HMGA2: variants seen among roughly 807,000 people sequenced by gnomAD.
The protein encoded by HMGA2 is high mobility group AT-hook 2, also known as high mobility group protein HMGI-C.
A neutral mutation model predicts 19.1 loss-of-function variants in HMGA2; 8 were observed. The observed-to-expected ratio is 0.42, with a 90% CI of 0.25 to 0.76. The LOEUF is 0.76. Among genes scored for constraint, HMGA2 ranks in the 30% least tolerant of loss-of-function variants. The pLI, the probability that HMGA2 is intolerant of heterozygous loss-of-function variation, is 0.28. For synonymous variants in HMGA2, 60 were observed against 48.8 expected (o/e 1.23, Z -0.96); for missense variants, 109 against 136.3 (o/e 0.80, Z 1.00).
chr12:65,861,749 T>A (rs1359059242), intron 3 of HMGA2, among the ~76,000 whole-genome samples: 2 of 151,826 alleles, frequency 1.3e-5, no homozygotes, highest in African/African-American at 4.8e-5. Flanking sequence ...ATACTTAAAT[T>A]TTTTTTCTCT....
chr12:65,847,548 C>G (rs1316273096), intron 3 of HMGA2, among the ~76,000 whole-genome samples: 7 of 152,108 alleles, frequency 4.6e-5, no homozygotes, highest in Non-Finnish European at 7.3e-5. Context: ...ACCTCAGCAC[C>G]TAGGACATAG....
intron 3 of HMGA2, among the ~76,000 whole-genome samples, chr12:65,876,139 C>A (rs943991229): frequency 6.6e-6 from 1 of 151,802 alleles, no homozygotes; most frequent in Non-Finnish European, 1.5e-5. Context: ...AGGTACAGGT[C>A]ATTCCATTAT....
chr12:65,842,755 C>G lies in HMGA2; in HGVS notation c.249+4186C>G, dbSNP rs547793618. The G allele has an allele frequency of 8.0e-6, 11 of 1,380,034 alleles. No individual in the cohort carries two copies. In the South Asian group the frequency reaches 1.3e-4, roughly 17 times the overall value. 85.5% of individuals were successfully genotyped at this position (1,380,034 alleles called of 1,614,324 possible). A position where few individuals can be genotyped will look rare whatever the true frequency, so the allele number is the denominator to read the frequency against. ...CTTCTATAGAATTCCATTAGCCAGT[C>G]CTGCCAATTGAAATTTGGCATTTAA... On this transcript the variant is annotated intron_variant, in intron 3 of 4. Transcript: ENST00000403681.
chr12:65,945,690 T>G (rs1565739783), intron 3 of HMGA2, among the ~76,000 whole-genome samples: 1 of 152,278 alleles, frequency 6.6e-6, no homozygotes, highest in East Asian at 1.9e-4. Flanking sequence ...TCATGGCCAT[T>G]TGGAGTGTTT....
At chr12:65,900,851 G>A (rs1392160181) in intron 3 of HMGA2, among the ~76,000 whole-genome samples, 1 of 152,162 alleles carries the variant, frequency 6.6e-6, no homozygotes, top group Non-Finnish European at 1.5e-5. Context: ...AAGTTTGAGA[G>A]CTGGTTGTTA....
At chr12:65,865,018 C>G (rs931369494) in intron 3 of HMGA2, among the ~76,000 whole-genome samples, 1 of 152,154 alleles carries the variant, frequency 6.6e-6, no homozygotes, top group African/African-American at 2.4e-5. Context: ...AAGACCAACC[C>G]CTCCTCATCC....
intron 3 of HMGA2, chr12:65,874,266 G>A (rs1872858818): frequency 6.6e-6 from 1 of 150,472 alleles, no homozygotes; most frequent in Non-Finnish European, 1.5e-5. Flanking sequence ...AAATAATAAA[G>A]CTATATAAAT....
chr12:65,869,623 C>T (rs1872606920), intron 3 of HMGA2, among the ~76,000 whole-genome samples: 1 of 152,146 alleles, frequency 6.6e-6, no homozygotes, highest in South Asian at 2.1e-4. Context: ...ACATTTTATT[C>T]TGGTATATAC....
intron 3 of HMGA2, among the ~76,000 whole-genome samples, chr12:65,924,708 G>A (rs1291197420): frequency 6.6e-6 from 1 of 152,142 alleles, no homozygotes; most frequent in Non-Finnish European, 1.5e-5. Context: ...TGAGACAGGA[G>A]AATCACTTGA....
chr12:65,846,643 T>C (rs1258650082), intron 3 of HMGA2, among the ~76,000 whole-genome samples: 1 of 152,234 alleles, frequency 6.6e-6, no homozygotes, highest in Non-Finnish European at 1.5e-5. Flanking sequence ...GTTGTTGTTG[T>C]TCACCTATTT....
intron 3 of HMGA2, among the ~76,000 whole-genome samples, chr12:65,922,311 G>A (rs144758886): frequency 6.6e-5 from 10 of 152,296 alleles, no homozygotes; most frequent in Non-Finnish European, 8.8e-5. Flanking sequence ...CCACAGGGGC[G>A]GAGCTGCCTA....
At chr12:65,839,230 C>T (rs1230049647) in intron 3 of HMGA2, among the ~76,000 whole-genome samples, 4 of 152,008 alleles carry the variant, frequency 2.6e-5, no homozygotes, top group African/African-American at 7.3e-5. Context: ...GCCAGAAATT[C>T]AGTGGTCACT....
At chr12:65,849,902 A>G (rs1003980182) in intron 3 of HMGA2, among the ~76,000 whole-genome samples, 2 of 152,064 alleles carry the variant, frequency 1.3e-5, no homozygotes, top group Non-Finnish European at 2.9e-5. Context: ...TATTTTTAGT[A>G]GAGACAGGGT....
At chr12:65,958,836 A>G (rs1320712174) in intron 4 of HMGA2, 1 of 152,150 alleles carries the variant, frequency 6.6e-6, no homozygotes, top group African/African-American at 2.4e-5. Context: ...GAAGAGTTGC[A>G]GAATTCTTTG....
At chr12:65,882,087 T>C (rs1873438950) in intron 3 of HMGA2, 3 of 543,212 alleles carry the variant, frequency 5.5e-6, no homozygotes, top group East Asian at 3.4e-5. Context: ...GGAATGAGCG[T>C]GGAAACCCCT....
chr12:65,843,202 C>T lies in HMGA2; in HGVS notation c.249+4633C>T, dbSNP rs1353491418. ...ATGCTTAAAGTTCACTTCAATTGGT[C>T]ACTAGAAAGATCCCAGCAATCCCCA... is the stretch of plus-strand genomic sequence containing the variant. On this transcript the variant is annotated intron_variant, in intron 3 of 4. Coordinates refer to ENST00000403681, the MANE Select transcript of HMGA2 (RefSeq NM_003483.6). The T allele has an allele frequency of 1.3e-5, 3 of 225,750 alleles. No homozygotes were observed. The East Asian group carries it at 1.9e-4, about 15-fold the overall frequency. 14.0% of individuals were successfully genotyped at this position (225,750 alleles called of 1,614,324 possible).
chr12:65,845,502 C>A (rs1345648390), intron 3 of HMGA2, among the ~76,000 whole-genome samples: 1 of 152,186 alleles, frequency 6.6e-6, no homozygotes, highest in African/African-American at 2.4e-5. Context: ...CTCCTGACTT[C>A]AGGTGATCCT....
At chr12:65,952,341 A>G (rs1480469) in intron 4 of HMGA2, 332,002 of 1,523,098 alleles carry the variant, frequency 0.22, 44,238 homozygotes, top group East Asian at 0.71. Flanking sequence ...TCTACCTTGC[A>G]TCCTGTTTTC....
chr12:65,899,043 C>CAAAAA (rs751128412), intron 3 of HMGA2, among the ~76,000 whole-genome samples: 15 of 25,336 alleles, frequency 5.9e-4, no homozygotes, highest in Middle Eastern at 0.028. Context: ...GACTCCGTCT[C>CAAAAA]AAAAAAAAAA....
Sources: gnomAD v4.1 joint callset for allele counts (sites outside exome capture counted in the v4.1 genomes callset) on GRCh38, gnomAD v4.1.1 for gene constraint, MANE v1.5 for transcripts, NCBI Gene and HGNC (gene_info 2026-07-23, HGNC 2026-07-21) for gene names.